Variants in TSHZ2 observed in about 807,000 individuals in gnomAD.
TSHZ2 encodes the protein teashirt zinc finger homeobox 2.
A neutral mutation model predicts 74.4 loss-of-function variants in TSHZ2; 21 were observed. The ratio of observed to expected loss-of-function variants is 0.28; its 90% CI spans 0.20 to 0.41. The LOEUF is 0.41. TSHZ2 is among the 10% of genes least tolerant of loss of function. The pLI is 1.00. For synonymous variants in TSHZ2, 540 were observed against 515.3 expected, an observed-to-expected ratio of 1.05 and a Z score of -0.65; for missense variants, 1,244 against 1,293.5, an observed-to-expected ratio of 0.96 and a Z score of 0.59.
intron 2 of TSHZ2, among the ~76,000 whole-genome samples, chr20:53,456,130 C>G (rs1003590472): frequency 4.0e-5 from 6 of 151,802 alleles, no homozygotes; most frequent in African/African-American, 7.2e-5. Flanking sequence ...CCTGAGGAAT[C>G]GCCACACTGA....
chr20:53,397,185 G>A (rs1325195461), intron 2 of TSHZ2, among the ~76,000 whole-genome samples: 4 of 152,180 alleles, frequency 2.6e-5, no homozygotes, highest in African/African-American at 2.4e-5. Flanking sequence ...AGAGTGAACA[G>A]GCAACCTACA....
At chr20:53,355,760 T>C (rs1980821641) in intron 2 of TSHZ2, among the ~76,000 whole-genome samples, 1 of 149,950 alleles carries the variant, frequency 6.7e-6, no homozygotes, top group Non-Finnish European at 1.5e-5. Context: ...ACATGCAAAT[T>C]CTATCTCAAT....
chr20:53,220,013 T>C (rs1600748966), intron 1 of TSHZ2, among the ~76,000 whole-genome samples: 2 of 152,230 alleles, frequency 1.3e-5, no homozygotes, highest in East Asian at 3.9e-4. Context: ...ATCCACACCA[T>C]TGAACAAGCT....
chr20:53,067,022 C>T (rs970777107), intron 1 of TSHZ2, among the ~76,000 whole-genome samples: 1 of 152,170 alleles, frequency 6.6e-6, no homozygotes, highest in Non-Finnish European at 1.5e-5. Flanking sequence ...GAACATTACC[C>T]AGAAAGGTAG....
At chr20:53,120,418 A>G (rs1266155092) in intron 1 of TSHZ2, among the ~76,000 whole-genome samples, 1 of 152,242 alleles carries the variant, frequency 6.6e-6, no homozygotes, top group Non-Finnish European at 1.5e-5. Context: ...CTTTAAAAAA[A>G]AAGTTTATGA....
intron 2 of TSHZ2, among the ~76,000 whole-genome samples, chr20:53,292,978 C>T (rs1383500113): frequency 2.6e-5 from 4 of 152,208 alleles, no homozygotes; most frequent in African/African-American, 9.7e-5. Context: ...GACTCAATCT[C>T]ATCATTGGTC....
At chr20:53,365,596 G>A (rs1251307455) in intron 2 of TSHZ2, among the ~76,000 whole-genome samples, 1 of 152,182 alleles carries the variant, frequency 6.6e-6, no homozygotes, top group African/African-American at 2.4e-5. Context: ...GCTGGATCCT[G>A]ACAAAGCAAA....
At chr20:53,050,101 G>GTATATATATATA (rs1213487235) in intron 1 of TSHZ2, among the ~76,000 whole-genome samples, 49 of 60,454 alleles carry the variant, frequency 8.1e-4, no homozygotes, top group African/African-American at 6.6e-3. Flanking sequence ...ATGTATATGT[G>GTATATATATATA]TGTATATATA....
chr20:53,051,785 G>A (rs1415733319), intron 1 of TSHZ2, among the ~76,000 whole-genome samples: 1 of 152,136 alleles, frequency 6.6e-6, no homozygotes, highest in African/African-American at 2.4e-5. Flanking sequence ...CTCCGTTTAT[G>A]TTGCTTCTAA....
intron 2 of TSHZ2, among the ~76,000 whole-genome samples, chr20:53,259,719 C>T (rs529476562): frequency 5.3e-5 from 8 of 152,284 alleles, no homozygotes; most frequent in Admixed American, 3.3e-4. Context: ...AAATACAGAA[C>T]GGATGTCCAG....
chr20:53,320,544 T>C (rs1979216117), intron 2 of TSHZ2, among the ~76,000 whole-genome samples: 1 of 151,874 alleles, frequency 6.6e-6, no homozygotes, highest in African/African-American at 2.4e-5. Context: ...ACAATGAAAA[T>C]GCAATAACAA....
At chr20:53,320,134 AT>A (rs1979198523) in intron 2 of TSHZ2, among the ~76,000 whole-genome samples, 1 of 152,184 alleles carries the variant, frequency 6.6e-6, no homozygotes, top group African/African-American at 2.4e-5. Flanking sequence ...CATTATCTTC[AT>A]TGTGAACCTC....
chr20:53,294,979 A>G (rs187889638), intron 2 of TSHZ2, among the ~76,000 whole-genome samples: 10 of 152,240 alleles, frequency 6.6e-5, no homozygotes, highest in Admixed American at 3.3e-4. Context: ...GGATTTGCTC[A>G]TTTCTTTGCT....
rs533601119 is a variant in TSHZ2 at position 53,074,393 on chromosome 20, G to T, written c.40+101060G>T. 6.6e-6 allele frequency among the ~76,000 whole-genome samples: 1 copy of T among 152,324 alleles called. No homozygotes were observed. Among genetic ancestry groups the T allele is most frequent in the South Asian group, 2.1e-4 (1 of 4,832 alleles). ...TCATGGGTCTTTGTGTTCTTACAGT[G>T]CCTCAATTGCTCACCAGGAAGTGGG... On this transcript the variant is annotated intron_variant, in intron 1 of 2. Transcript: ENST00000371497. The surrounding 1 kb of genome is among the most constrained non-coding windows in gnomAD (Gnocchi z 5.9).
chr20:53,428,262 G>T (rs1488881103), intron 2 of TSHZ2, among the ~76,000 whole-genome samples: 2 of 152,216 alleles, frequency 1.3e-5, no homozygotes, highest in African/African-American at 2.4e-5. Context: ...CTTCTCGTTG[G>T]TGAATGAGAT....
intron 2 of TSHZ2, among the ~76,000 whole-genome samples, chr20:53,289,958 G>A (rs966812590): frequency 2.0e-5 from 3 of 152,150 alleles, no homozygotes; most frequent in Non-Finnish European, 2.9e-5. Flanking sequence ...TTTCATTTCT[G>A]TTCCCAGAAA....
At chr20:53,170,018 T>C (rs374797270) in intron 1 of TSHZ2, among the ~76,000 whole-genome samples, 1 of 152,174 alleles carries the variant, frequency 6.6e-6, no homozygotes, top group African/African-American at 2.4e-5. Context: ...AGAATGCTAC[T>C]TGTCTTCAAG....
intron 1 of TSHZ2, among the ~76,000 whole-genome samples, chr20:53,057,083 C>T (rs1984664944): frequency 6.6e-6 from 1 of 152,170 alleles, no homozygotes; most frequent in Non-Finnish European, 1.5e-5. Flanking sequence ...TCATAAAGGG[C>T]AGTTCCCCTG....
chr20:53,129,967 G>A (rs981023539), intron 1 of TSHZ2, among the ~76,000 whole-genome samples: 2 of 151,758 alleles, frequency 1.3e-5, no homozygotes, highest in East Asian at 1.9e-4. Flanking sequence ...TTTTCCTCTC[G>A]GAATGGTAGC....
Sources: gnomAD v4.1 joint callset for allele counts (sites outside exome capture counted in the v4.1 genomes callset) on GRCh38, gnomAD v4.1.1 for gene constraint, Gnocchi (gnomAD v3.1) non-coding constraint, MANE v1.5 for transcripts, NCBI Gene and HGNC (gene_info 2026-07-23, HGNC 2026-07-21) for gene names.